Variants in DST observed in about 807,000 individuals in gnomAD.
DST encodes the protein dystonin.
A neutral mutation model predicts 875.2 loss-of-function variants in DST; 253 were observed. The ratio of observed to expected loss-of-function variants is 0.29; its 90% CI spans 0.26 to 0.32. The LOEUF is 0.32. Among genes scored for constraint, DST ranks in the 10% least tolerant of loss-of-function variants. The pLI is 1.00. For synonymous variants in DST, 3,124 were observed against 3,197.1 expected, an observed-to-expected ratio of 0.98 and a Z score of 0.77; for missense variants, 8,287 against 9,111.6, an observed-to-expected ratio of 0.91 and a Z score of 3.68.
chr6:56,560,283 A>G lies in DST; in HGVS notation c.14440+11T>C, dbSNP rs755271539. The G allele has an allele frequency of 6.9e-6, 11 of 1,587,020 alleles. No homozygotes were observed. In the East Asian group the frequency reaches 1.1e-4, roughly 16 times the overall value. ...TTCTTCATAGGCATTCATCTAAGTA[A>G]CGCAACATACCTATTTCTGTCAACA... On this transcript the variant is annotated intron_variant, in intron 58 of 103. Coordinates refer to ENST00000680361, the MANE Select transcript of DST (RefSeq NM_001374736.1).
intron 71 of DST, among the ~76,000 whole-genome samples, chr6:56,516,157 G>GAGAGAA (rs369339428): frequency 4.4e-5 from 3 of 67,764 alleles, no homozygotes; most frequent in African/African-American, 3.7e-5. Context: ...GAAAGAGAAA[G>GAGAGAA]AGAGAAAGAG....
chr6:56,739,957 G>C (rs1052967082), intron 4 of DST, among the ~76,000 whole-genome samples: 38 of 152,146 alleles, frequency 2.5e-4, no homozygotes, highest in Non-Finnish European at 8.8e-5. Flanking sequence ...CGCCTCCCAG[G>C]TTCAAGGGAT....
In DST at chr6:56,892,763, T is replaced by C. The variant is rs574473823; in HGVS notation, c.417+7658A>G. On this transcript the variant is annotated intron_variant, in intron 3 of 103. Transcript: ENST00000680361. The stretch of plus-strand genomic sequence containing the variant: ...GCTTACTAATTGTACCAGTCATCAT[T>C]AGCTATCTTTCATATATCATTCACT... Among the ~76,000 whole-genome samples, 43 of 152,350 alleles carry C rather than the reference T, an allele frequency of 2.8e-4. No homozygotes were observed. In the South Asian group the frequency reaches 6.6e-3, roughly 23 times the overall value.
intron 4 of DST, among the ~76,000 whole-genome samples, chr6:56,848,628 C>T (rs973287648): frequency 4.6e-5 from 7 of 152,094 alleles, no homozygotes; most frequent in Non-Finnish European, 8.8e-5. Flanking sequence ...ATAATTTAGC[C>T]ACATTATAAG....
At chr6:56,558,096 C>T (rs1685154136) in intron 58 of DST, among the ~76,000 whole-genome samples, 1 of 152,112 alleles carries the variant, frequency 6.6e-6, no homozygotes. Flanking sequence ...GTTATCTTTT[C>T]TCCCATGTCA....
intron 2 of DST, among the ~76,000 whole-genome samples, chr6:56,920,351 G>A (rs1326578533): frequency 6.6e-6 from 1 of 152,168 alleles, no homozygotes; most frequent in African/African-American, 2.4e-5. Context: ...CCTGGAATGT[G>A]TATATATCAC....
chr6:56,824,221 G>C (rs2099776689), intron 4 of DST, among the ~76,000 whole-genome samples: 1 of 152,204 alleles, frequency 6.6e-6, no homozygotes, highest in East Asian at 1.9e-4. Context: ...TTGTTGGCCG[G>C]GCTGGTCTCC....
Position 56,808,339 on chromosome 6 carries a change from A to G in DST, c.625+43058T>C, listed in dbSNP as rs141744586. Among the ~76,000 whole-genome samples the G allele has an allele frequency of 3.4e-3, 517 of 152,298 alleles. 4 individuals carry two copies. Among genetic ancestry groups the G allele is most frequent in the African/African-American group, 0.012 (502 of 41,572 alleles). ...TCTATAGGAATCGTTTATATTTGCT[A>G]TTAAATACTCCAGCAATAAAGTTTG... On this transcript the variant is annotated intron_variant, in intron 4 of 103. Coordinates refer to ENST00000680361, the MANE Select transcript of DST (RefSeq NM_001374736.1).
intron 2 of DST, among the ~76,000 whole-genome samples, chr6:56,917,521 T>C (rs957118543): frequency 3.3e-5 from 5 of 152,210 alleles, no homozygotes; most frequent in Non-Finnish European, 7.3e-5. Flanking sequence ...TTGACTCCTT[T>C]TCCTAAGATG....
chr6:56,789,262 A>C (rs565763333), intron 4 of DST, among the ~76,000 whole-genome samples: 1 of 152,296 alleles, frequency 6.6e-6, no homozygotes, highest in East Asian at 1.9e-4. Context: ...TGAGCCCAGG[A>C]GTTCAAGGTG....
At position 56,940,191 on chromosome 6, in the gene DST, TACACACACACACACAC is replaced by T. The variant is rs59001581; in HGVS notation, c.216+13578_216+13593del. Among the ~76,000 whole-genome samples the T allele has an allele frequency of 7.8e-4, 111 of 142,300 alleles. 1 individual carries two copies. The highest frequency in any genetic ancestry group is 2.0e-3 in the African/African-American group (77 of 38,246). The allele number at this position is 142,300 out of a possible 152,430, so 93.4% of individuals were successfully genotyped here. Reference sequence around the variant, plus strand: ...TAAAATAAATTCCACATTACCCCCATACACACACACACACACACACACACACACACACACACACACA... The same window carrying T: ...TAAAATAAATTCCACATTACCCCCATACACACACACACACACACACACACA... On this transcript the variant is annotated intron_variant, in intron 2 of 103. Coordinates refer to ENST00000680361, the MANE Select transcript of DST (RefSeq NM_001374736.1).
intron 37 of DST, among the ~76,000 whole-genome samples, chr6:56,613,852 G>A (rs1312557205): frequency 6.6e-6 from 1 of 152,188 alleles, no homozygotes; most frequent in Admixed American, 6.5e-5. Flanking sequence ...GTGATTGACT[G>A]TAGACACTTC....
Position 56,605,829 on chromosome 6 carries a change from A to G in DST, c.8799T>C (p.Thr2933=). ...CATGTGAAATACTTGCAGGGCCAAA[A>G]GTTTTTTCAGATTCAGTGTCTTTAA... ...PIIKDTESEK[T]FGPASISHDN... The change falls in exon 40 of 104, where the codon ACT becomes ACC. Residue 2933 remains threonine, a synonymous_variant. Coordinates refer to ENST00000680361, the MANE Select transcript of DST (RefSeq NM_001374736.1). 1 of 1,612,422 alleles carries G rather than the reference A, an allele frequency of 6.2e-7. No homozygotes were observed. The highest frequency in any genetic ancestry group is 1.1e-5 in the South Asian group (1 of 91,016).
At chr6:56,822,993 C>A (rs1400432440) in intron 4 of DST, among the ~76,000 whole-genome samples, 2 of 151,898 alleles carry the variant, frequency 1.3e-5, no homozygotes, top group Admixed American at 1.3e-4. Context: ...CCAAGCCTGG[C>A]TAATTTTTTT....
intron 2 of DST, among the ~76,000 whole-genome samples, chr6:56,940,490 T>C (rs959666510): frequency 4.2e-4 from 64 of 152,158 alleles, no homozygotes; most frequent in African/African-American, 1.5e-3. Context: ...AATGTTAATA[T>C]TATATTTTTC....
intron 36 of DST, chr6:56,620,624 G>C (rs767671723): frequency 1.9e-6 from 3 of 1,613,976 alleles, no homozygotes; most frequent in Non-Finnish European, 2.5e-6. Flanking sequence ...TATCTTTCCT[G>C]TAAGTTTGCT....
chr6:56,779,853 C>A (rs1284674672), intron 4 of DST, among the ~76,000 whole-genome samples: 1 of 147,668 alleles, frequency 6.8e-6, no homozygotes, highest in Non-Finnish European at 1.5e-5. Flanking sequence ...TTAGGTATAT[C>A]TCCTAATGCT....
intron 2 of DST, among the ~76,000 whole-genome samples, chr6:56,949,529 A>G (rs771967153): frequency 7.2e-5 from 11 of 152,202 alleles, no homozygotes; most frequent in Non-Finnish European, 7.3e-5. Context: ...CCTAGAAGGA[A>G]CTGTCAAGGG....
chr6:56,658,556 T>C (rs1339553590), intron 10 of DST, among the ~76,000 whole-genome samples: 2 of 152,136 alleles, frequency 1.3e-5, no homozygotes, highest in South Asian at 2.1e-4. Flanking sequence ...TGAAACTTAG[T>C]ATAAAGGGCA....
Sources: allele counts gnomAD v4.1 joint callset (sites outside exome capture counted in the v4.1 genomes callset), GRCh38; gene constraint gnomAD v4.1.1; transcripts MANE v1.5; gene names NCBI Gene and HGNC (gene_info 2026-07-23, HGNC 2026-07-21).